DHX58: variants seen among roughly 807,000 people sequenced by gnomAD.
DHX58 encodes the protein DExH-box helicase 58, also known as ATP-dependent RNA helicase DHX58.
In DHX58, 51 loss-of-function variants were observed where a neutral mutation model predicts 65.0. The observed-to-expected ratio is 0.78, with a 90% CI of 0.63 to 0.99. The LOEUF (loss-of-function observed/expected upper bound fraction) is 0.99. Ranked by LOEUF, DHX58 falls within the 50% of genes least tolerant of loss-of-function variation. The pLI is 0.00. For synonymous variants in DHX58, 350 were observed against 365.0 expected, an observed-to-expected ratio of 0.96 and a Z score of 0.47; for missense variants, 773 against 891.8, an observed-to-expected ratio of 0.87 and a Z score of 1.70.
In DHX58 at chr17:42,107,628, G is replaced by C; in HGVS notation, c.973C>G (p.Arg325Gly). 1 of 1,599,720 alleles carries C rather than the reference G, an allele frequency of 6.3e-7. No homozygotes were observed. The highest frequency in any genetic ancestry group is 8.5e-7 in the Non-Finnish European group (1 of 1,171,728). ...VTKTQILCAE[R>G]RLLALFDDRK... ...CCATCGAACAGGGCCAGCAGCCGGC[G>C]CTCGGCACACAGGATCTGGGTTTTA... The change falls in exon 8 of 14, where the codon CGC (arginine) becomes GGC (glycine). Residue 325 changes from arginine (R) to glycine (G), a missense_variant. Arg to Gly is a moderately radical substitution (Grantham distance 125, BLOSUM62 -2). Coordinates refer to ENST00000251642, the MANE Select transcript of DHX58 (RefSeq NM_024119.3).
At chr17:42,110,652 C>T (rs2054134510) in intron 5 of DHX58, 71 bp downstream of exon 5, 1 of 1,486,988 alleles carries the variant, frequency 6.7e-7, no homozygotes, top group African/African-American at 1.4e-5. Context: ...GGGGTAGTGG[C>T]AGGGCAGGCA....
chr17:42,107,272 G>A (rs868965615), intron 8 of DHX58, among the ~76,000 whole-genome samples: 3 of 151,766 alleles, frequency 2.0e-5, no homozygotes, highest in Middle Eastern at 3.4e-3. Flanking sequence ...AAGCTGAAGG[G>A]TGAGAATTAC....
intron 6 of DHX58, among the ~76,000 whole-genome samples, chr17:42,109,017 T>C (rs2054108405): frequency 6.6e-6 from 1 of 152,218 alleles, no homozygotes; most frequent in African/African-American, 2.4e-5. Flanking sequence ...ATCCCTGCTC[T>C]CTGGTTTGTA....
In DHX58 at chr17:42,109,376, T is replaced by A. The variant is rs782511717; in HGVS notation, c.572A>T (p.Asn191Ile). The change falls in exon 6 of 14, where the codon AAC (asparagine) becomes ATC (isoleucine). Residue 191 changes from asparagine to isoleucine, a missense_variant. Physicochemically the swap from Asn to Ile is moderately radical, Grantham distance 149. Transcript: ENST00000251642. ...TGACATGATGCACCACGTGTCCAAG[T>A]TGGCACAGAGCTGGGGGCAACAGAG... Reference protein sequence around the residue: ...AINHVLQLCANLDTWCIMSPQ... With the variant: ...AINHVLQLCAILDTWCIMSPQ... 1.2e-6 allele frequency: 2 copies of A among 1,613,412 alleles called. No homozygotes were observed. Among genetic ancestry groups the A allele is most frequent in the Admixed American group, 3.3e-5 (2 of 59,934 alleles).
chr17:42,112,063 G>A, intron 2 of DHX58, 50 bp downstream of exon 2: 3 of 806,070 alleles, frequency 3.7e-6, no homozygotes, highest in Non-Finnish European at 5.6e-6. Context: ...AAAAGGGGGA[G>A]GCGGGAGTAA....
chr17:42,103,186 C>G (rs1186704298), intron 12 of DHX58: 1 of 195,004 alleles, frequency 5.1e-6, no homozygotes, highest in African/African-American at 2.4e-5. Context: ...TGTGAAGATC[C>G]TTGGCACAGT....
rs781913841 is a variant in DHX58 at position 42,111,677 on chromosome 17, A to G, written c.168+48T>C. On this transcript the variant is annotated intron_variant, in intron 3 of 13. Transcript: ENST00000251642. ...GGGACTGGGAGATGCCTGAAGAGCTAAGACCCTGCTTGGTGGTGGGAGAGC... is the reference window on the plus strand; with the variant it reads ...GGGACTGGGAGATGCCTGAAGAGCTGAGACCCTGCTTGGTGGTGGGAGAGC... 2.4e-5 allele frequency: 38 copies of G among 1,581,914 alleles called. 1 individual carries two copies. The highest frequency in any genetic ancestry group is 1.2e-4 in the South Asian group (10 of 86,882).
At chr17:42,104,209 GA>G (rs782078070) in intron 11 of DHX58, among the ~76,000 whole-genome samples, 349 of 142,810 alleles carry the variant, frequency 2.4e-3, no homozygotes, top group East Asian at 7.3e-3. Context: ...CCGTCTCGGG[GA>G]AAAAAAAAAA....
chr17:42,103,833 C>T, intron 11 of DHX58, 35 bp from the exon 12 acceptor site: 1 of 1,583,246 alleles, frequency 6.3e-7, no homozygotes, highest in East Asian at 2.2e-5. Context: ...ATGGCTGGGG[C>T]CTAAGAGAAC....
chr17:42,108,737 G>A (rs1278820957), intron 6 of DHX58, among the ~76,000 whole-genome samples: 1 of 152,208 alleles, frequency 6.6e-6, no homozygotes, highest in Non-Finnish European at 1.5e-5. Context: ...CACAGGGCCG[G>A]AGCAGACAGC....
intron 2 of DHX58, 36 bp from the exon 3 acceptor site, chr17:42,111,929 T>A (rs1555664472): frequency 6.3e-7 from 1 of 1,577,134 alleles, no homozygotes; most frequent in Non-Finnish European, 8.6e-7. Flanking sequence ...CACCGACTCC[T>A]CCACCCCTCC....
At chr17:42,103,530 T>C in intron 12 of DHX58, 78 bp downstream of exon 12, 2 of 1,549,662 alleles carry the variant, frequency 1.3e-6, no homozygotes, top group Non-Finnish European at 1.8e-6. Context: ...CTCTTTAGCT[T>C]CCCAAAGCTT....
Position 42,108,078 on chromosome 17 carries a change from T to C in DHX58, c.709A>G (p.Met237Val), listed in dbSNP as rs781970197. 5.0e-6 allele frequency: 8 copies of C among 1,614,202 alleles called. No homozygotes were observed. Among genetic ancestry groups the C allele is most frequent in the Non-Finnish European group, 5.9e-6 (7 of 1,180,014 alleles). Reference sequence around the variant, plus strand: ...TCCAGGTGGTCATGGATTTGGTCCATGAGCTTCTTCAGCAAGTCCCCAAAC... The same window carrying C: ...TCCAGGTGGTCATGGATTTGGTCCACGAGCTTCTTCAGCAAGTCCCCAAAC... ...DPFGDLLKKL[M>V]DQIHDHLEMP... The change falls in exon 7 of 14, where the codon ATG becomes GTG. Residue 237 changes from methionine to valine, a missense_variant. By Grantham distance (21) the Met-to-Val change is conservative. Transcript: ENST00000251642.
rs372585892 is a variant in DHX58 at position 42,105,176 on chromosome 17, G to A, written c.1252-9C>T. On this transcript the variant is annotated splice_polypyrimidine_tract_variant and intron_variant, in intron 9 of 13. Transcript: ENST00000251642. The stretch of plus-strand genomic sequence containing the variant: ...ACTTCTTGCTGGTCCCTCTGCAGGC[G>A]GAGGGCAGGGAGGAGAAAGAGGCTG... 74 of 1,598,852 alleles carry A rather than the reference G, an allele frequency of 4.6e-5. No individual in the cohort carries two copies. The highest frequency in any genetic ancestry group is 1.7e-4 in the African/African-American group (13 of 74,358).
intron 1 of DHX58, 59 bp from the exon 2 acceptor site, chr17:42,112,264 A>G: frequency 1.1e-5 from 2 of 182,952 alleles, no homozygotes; most frequent in Non-Finnish European, 2.3e-5. Context: ...CCCAGGAAAA[A>G]GAACCAAGAG....
At chr17:42,111,955 C>A (rs1280426789) in intron 2 of DHX58, 62 bp from the exon 3 acceptor site, 7 of 1,551,276 alleles carry the variant, frequency 4.5e-6, no homozygotes, top group Non-Finnish European at 6.1e-6. Flanking sequence ...CCTGGCCAGA[C>A]CAGTCAGTAC....
At chr17:42,110,625 G>C (rs1276083087) in intron 5 of DHX58, 98 bp downstream of exon 5, 5 of 1,382,110 alleles carry the variant, frequency 3.6e-6, no homozygotes, top group Non-Finnish European at 4.8e-6. Flanking sequence ...GGAGAGCCTG[G>C]TAGGGCTGGT....
chr17:42,108,593 G>A lies in DHX58; in HGVS notation c.679-485C>T, dbSNP rs74876455. Among the ~76,000 whole-genome samples the A allele has an allele frequency of 2.2e-3, 333 of 151,468 alleles. 2 individuals are homozygous for A. Among genetic ancestry groups the A allele is most frequent in the Non-Finnish European group, 4.0e-3 (269 of 67,712 alleles). ...CTACTAACCCCTGCAAGGGACAGCC[G>A]GTCGCCTTGAAGGTGGGCAGTGGGG... On this transcript the variant is annotated intron_variant, in intron 6 of 13. Transcript: ENST00000251642.
chr17:42,111,047 G>A, intron 4 of DHX58, 134 bp from the exon 5 acceptor site: 1 of 1,130,460 alleles, frequency 8.8e-7, no homozygotes, highest in Non-Finnish European at 1.2e-6. Context: ...AGGATGAGGA[G>A]CCAGGCAGGG....
Sources: gnomAD v4.1 joint callset for allele counts (sites outside exome capture counted in the v4.1 genomes callset) on GRCh38, gnomAD v4.1.1 for gene constraint, MANE v1.5 for transcripts, NCBI Gene and HGNC (gene_info 2026-07-23, HGNC 2026-07-21) for gene names.